Variants in GNG2 observed in about 807,000 individuals in gnomAD.
GNG2 encodes the protein G protein subunit gamma 2, also known as guanine nucleotide-binding protein G(I)/G(S)/G(O) subunit gamma-2.
GNG2 carries 5 observed loss-of-function variants against 5.5 expected under a neutral mutation model. That is an observed-to-expected ratio of 0.91 (90% confidence interval 0.48 to 1.92). The LOEUF is 1.92. Ranked by LOEUF, GNG2 falls within the 30% of genes most tolerant of loss-of-function variation. GNG2 has a pLI of 0.01. For synonymous variants in GNG2, 28 were observed against 32.0 expected (o/e 0.88, Z 0.42); for missense variants, 55 against 88.4 (o/e 0.62, Z 1.52).
chr14:51,859,910 T>C (rs1051734246), upstream of GNG2, among the ~76,000 whole-genome samples: 2 of 152,208 alleles, frequency 1.3e-5, no homozygotes, highest in African/African-American at 2.4e-5. Flanking sequence ...CTTTTGGGAA[T>C]AGTCCTCACT....
intron 2 of GNG2, among the ~76,000 whole-genome samples, chr14:51,881,701 C>CTTTTTTTTTTTTTTTTT (rs58544362): frequency 1.9e-5 from 2 of 104,222 alleles, no homozygotes; most frequent in African/African-American, 7.4e-5. Flanking sequence ...AGCTGGAAGA[C>CTTTTTTTTTTTTTTTTT]TTTTTTTTTT....
intron 2 of GNG2, among the ~76,000 whole-genome samples, chr14:51,901,624 G>A (rs573418819): frequency 1.3e-5 from 2 of 152,226 alleles, no homozygotes; most frequent in East Asian, 1.9e-4. Context: ...TGAGTGGTCC[G>A]GGAGGTGAGA....
chr14:51,905,684 A>C (rs549726767), intron 2 of GNG2, among the ~76,000 whole-genome samples: 1 of 152,292 alleles, frequency 6.6e-6, no homozygotes, highest in South Asian at 2.1e-4. Flanking sequence ...GTCCCCACCC[A>C]AATCTCATCT....
At chr14:51,924,187 C>T (rs963118877) in intron 2 of GNG2, among the ~76,000 whole-genome samples, 1 of 152,182 alleles carries the variant, frequency 6.6e-6, no homozygotes, top group Non-Finnish European at 1.5e-5. Context: ...TAGAGCAAGC[C>T]AGCTAATTCA....
chr14:51,921,259 C>T (rs148863106), intron 2 of GNG2, among the ~76,000 whole-genome samples: 2 of 152,140 alleles, frequency 1.3e-5, no homozygotes, highest in Non-Finnish European at 1.5e-5. Flanking sequence ...TAGTATGCAC[C>T]GCATAGTGTT....
chr14:51,942,589 C>CTTTCTTTCTTTTTCTTTCTTTCTTTCT (rs761049973), intron 2 of GNG2, among the ~76,000 whole-genome samples: 1 of 81,146 alleles, frequency 1.2e-5, no homozygotes, highest in African/African-American at 5.9e-5. Flanking sequence ...TTCTTTCTTT[C>CTTTCTTTCTTTTTCTTTCTTTCTTTCT]TTTTTTTTTT....
intron 1 of GNG2, among the ~76,000 whole-genome samples, chr14:51,863,228 G>T (rs757496197): frequency 1.3e-5 from 2 of 152,144 alleles, no homozygotes; most frequent in African/African-American, 4.8e-5. Context: ...TGAAAAGAAC[G>T]CAGGCTTTGG....
At chr14:51,874,854 C>T (rs377163425) in intron 1 of GNG2, among the ~76,000 whole-genome samples, 1 of 152,118 alleles carries the variant, frequency 6.6e-6, no homozygotes, top group South Asian at 2.1e-4. Flanking sequence ...CTATAGATTT[C>T]GTTTTTCCTC....
chr14:51,894,054 T>C lies in GNG2; in HGVS notation c.-30+16397T>C, dbSNP rs187298774. Among the ~76,000 whole-genome samples the C allele has an allele frequency of 1.4e-4, 21 of 150,542 alleles. No homozygotes were observed. The East Asian group carries it at 3.9e-3, about 28-fold the overall frequency. On this transcript the variant is annotated intron_variant, in intron 2 of 3. Transcript: ENST00000556766. ...CCCATTTTATTCTTCTTTTTAAACA[T>C]TTATTGCTATTGTTTGACATTTTTT...
rs963701709 is a variant in GNG2, at chr14:51,917,628, C to CT, written c.-29-33014dup. Reference sequence around the variant, plus strand: ...TTGTTCCCTGAAAGTAAAAATCAGACTTTTTTTTAATCATTCCTTTGAGAT... The same window carrying CT: ...TTGTTCCCTGAAAGTAAAAATCAGACTTTTTTTTTAATCATTCCTTTGAGAT... On this transcript the variant is annotated intron_variant, in intron 2 of 3. Coordinates refer to ENST00000556766, the MANE Select transcript of GNG2 (RefSeq NM_053064.5). Among the ~76,000 whole-genome samples, 10 of 152,158 alleles carry CT rather than the reference C, an allele frequency of 6.6e-5. No individual in the cohort carries two copies. The South Asian group carries it at 8.3e-4, about 13-fold the overall frequency.
chr14:51,868,079 C>T (rs1239691337), intron 1 of GNG2, among the ~76,000 whole-genome samples: 1 of 152,164 alleles, frequency 6.6e-6, no homozygotes, highest in Admixed American at 6.5e-5. Flanking sequence ...CCTCTAAGAG[C>T]TCACAAACTC....
intron 1 of GNG2, among the ~76,000 whole-genome samples, chr14:51,865,947 CTGAA>C (rs1882848261): frequency 3.3e-5 from 1 of 30,372 alleles, no homozygotes; most frequent in South Asian, 1.0e-3. Context: ...TCATTAAACA[CTGAA>C]AAAAAAAAAA....
At chr14:51,935,310 C>T (rs1594935572) in intron 2 of GNG2, among the ~76,000 whole-genome samples, 1 of 151,980 alleles carries the variant, frequency 6.6e-6, no homozygotes, top group East Asian at 1.9e-4. Flanking sequence ...CAGGCGTGAG[C>T]CACCACGCCC....
At chr14:51,886,127 A>T (rs1031679010) in intron 2 of GNG2, among the ~76,000 whole-genome samples, 11 of 152,240 alleles carry the variant, frequency 7.2e-5, no homozygotes, top group African/African-American at 2.4e-4. Context: ...ATCGAAGTGG[A>T]ATACCATATG....
intron 2 of GNG2, among the ~76,000 whole-genome samples, chr14:51,850,360 GA>G (rs1042906123): frequency 6.6e-6 from 1 of 151,932 alleles, no homozygotes; most frequent in Non-Finnish European, 1.5e-5. Context: ...CAGCTCTCAT[GA>G]AAAAAATAAA....
At chr14:51,927,836 TTAAAA>T (rs1189777753) in intron 2 of GNG2, among the ~76,000 whole-genome samples, 1 of 152,070 alleles carries the variant, frequency 6.6e-6, no homozygotes, top group Non-Finnish European at 1.5e-5. Context: ...CTGAAAATTT[TTAAAA>T]TAAAGTCTTC....
At position 51,950,775 on chromosome 14, in the gene GNG2, G is replaced by T. The variant is rs1440205309; in HGVS notation, c.87+10G>T. On this transcript the variant is annotated intron_variant, in intron 3 of 3. Coordinates refer to ENST00000556766, the MANE Select transcript of GNG2 (RefSeq NM_053064.5). ...TATCGACAGGATAAAGGTGAGGATG[G>T]TCTAACCCCACACTTCATCTAGCGT... 1.3e-6 allele frequency: 2 copies of T among 1,547,762 alleles called. No individual in the cohort carries two copies. Among genetic ancestry groups the T allele is most frequent in the Non-Finnish European group, 1.8e-6 (2 of 1,136,356 alleles).
intron 2 of GNG2, among the ~76,000 whole-genome samples, chr14:51,842,727 C>A (rs570223598): frequency 1.3e-5 from 2 of 151,192 alleles, no homozygotes; most frequent in Non-Finnish European, 2.9e-5. Context: ...TGCAGTGGCA[C>A]AATCTCGGCT....
rs542491696 is a variant in GNG2, at chr14:51,969,490, C to T, written c.*2803C>T. 12 of 152,290 alleles carry T rather than the reference C, an allele frequency of 7.9e-5. No individual in the cohort carries two copies. Among genetic ancestry groups the T allele is most frequent in the East Asian group, 3.9e-4 (2 of 5,188 alleles). 9.4% of individuals were successfully genotyped at this position (152,290 alleles called of 1,614,324 possible). On this transcript the variant is annotated 3_prime_UTR_variant, in exon 4 of 4. Transcript: ENST00000556766. ...TTAAAAATCAAACGATTTCTCCATA[C>T]GCTCATAGTCACATATGGAATTTTG...
Sources: allele counts gnomAD v4.1 joint callset (sites outside exome capture counted in the v4.1 genomes callset), GRCh38; gene constraint gnomAD v4.1.1; transcripts MANE v1.5; gene names NCBI Gene and HGNC (gene_info 2026-07-23, HGNC 2026-07-21).